FRYL: variants seen among roughly 807,000 people sequenced by gnomAD.
FRYL encodes protein furry homolog-like.
Under a neutral mutation model 351.2 loss-of-function variants are expected in FRYL, and 150 were observed. The observed-to-expected ratio is 0.43, with a 90% CI of 0.37 to 0.49. The LOEUF is 0.49. Among genes scored for constraint, FRYL ranks in the 20% least tolerant of loss-of-function variants. FRYL has a pLI of 0.00. For synonymous variants in FRYL, 1,153 were observed against 1,257.1 expected (o/e 0.92, Z 1.75); for missense variants, 3,036 against 3,619.3 (o/e 0.84, Z 4.13).
chr4:48,746,088 A>C (rs1450438491), intron 1 of FRYL, among the ~76,000 whole-genome samples: 3 of 152,228 alleles, frequency 2.0e-5, no homozygotes, highest in African/African-American at 7.2e-5. Context: ...AAAATCACTG[A>C]GGAATGTTTC....
At chr4:48,721,790 G>C (rs763024836) in intron 1 of FRYL, among the ~76,000 whole-genome samples, 1 of 152,010 alleles carries the variant, frequency 6.6e-6, no homozygotes, top group Non-Finnish European at 1.5e-5. Context: ...ACAGGCACCC[G>C]CCACCACACC....
Position 48,576,165 on chromosome 4 carries a change from G to T in FRYL, c.2586C>A (p.Gly862=). ...AAAGGATCAGATAGTTTCTCCACAGGCCAATGTATGAGTCACTGCTTGTGG... is the reference window on the plus strand; with the variant it reads ...AAAGGATCAGATAGTTTCTCCACAGTCCAATGTATGAGTCACTGCTTGTGG... ...NTTTSSDSYI[G]LWRNYLILCC... The change falls in exon 24 of 64, where the codon GGC becomes GGA. Residue 862 remains glycine, a synonymous_variant. Coordinates refer to ENST00000358350, the MANE Select transcript of FRYL (RefSeq NM_015030.2). 1.2e-6 allele frequency: 2 copies of T among 1,613,634 alleles called. No individual in the cohort carries two copies. Among genetic ancestry groups the T allele is most frequent in the East Asian group, 2.2e-5 (1 of 44,820 alleles).
intron 22 of FRYL, 22 bp from the exon 23 acceptor site, chr4:48,579,263 G>T (rs1740333127): frequency 1.9e-6 from 3 of 1,555,868 alleles, no homozygotes; most frequent in African/African-American, 2.8e-5. Context: ...GGAAAAAATT[G>T]ATTATTACAC....
chr4:48,623,297 T>G, intron 4 of FRYL, 118 bp from the exon 5 acceptor site: 1 of 592,944 alleles, frequency 1.7e-6, no homozygotes, highest in South Asian at 2.6e-5. Context: ...CGTTTTCACT[T>G]GTTACTAGAT....
intron 21 of FRYL, among the ~76,000 whole-genome samples, chr4:48,581,183 G>A (rs1740814300): frequency 6.6e-6 from 1 of 151,876 alleles, no homozygotes; most frequent in Non-Finnish European, 1.5e-5. Context: ...CTGGACTACA[G>A]GCGCCCGCCA....
chr4:48,523,951 T>C (rs539944527), intron 53 of FRYL, among the ~76,000 whole-genome samples: 73 of 152,290 alleles, frequency 4.8e-4, no homozygotes, highest in African/African-American at 1.7e-3. Flanking sequence ...CTGTTGCCAA[T>C]TTTAAAAGGT....
chr4:48,558,020 A>ATG (rs1734518935), intron 33 of FRYL, among the ~76,000 whole-genome samples: 3 of 152,244 alleles, frequency 2.0e-5, no homozygotes, highest in Non-Finnish European at 4.4e-5. Flanking sequence ...TCAAAAAAAT[A>ATG]AAAATAGAAC....
intron 3 of FRYL, among the ~76,000 whole-genome samples, chr4:48,647,743 G>A (rs1231007091): frequency 6.6e-6 from 1 of 152,030 alleles, no homozygotes; most frequent in Non-Finnish European, 1.5e-5. Context: ...CACTTTTCAG[G>A]GACCATCATG....
At chr4:48,763,457 G>T (rs1379190286) in intron 1 of FRYL, among the ~76,000 whole-genome samples, 1 of 151,802 alleles carries the variant, frequency 6.6e-6, no homozygotes, top group Non-Finnish European at 1.5e-5. Flanking sequence ...GTGTGACCTT[G>T]TCTCTTAAAA....
intron 3 of FRYL, among the ~76,000 whole-genome samples, chr4:48,676,885 T>G (rs1478384594): frequency 1.3e-5 from 2 of 152,274 alleles, no homozygotes; most frequent in African/African-American, 4.8e-5. Context: ...TCGCACTTTA[T>G]TGAATTATGT....
At chr4:48,605,874 G>A (rs760584893) in intron 10 of FRYL, 41 bp from the exon 11 acceptor site, 11 of 1,206,298 alleles carry the variant, frequency 9.1e-6, no homozygotes, top group Middle Eastern at 2.0e-4. Flanking sequence ...AACAAAAGAG[G>A]AAAGGTTAAA....
At chr4:48,647,871 G>T (rs1177793912) in intron 3 of FRYL, among the ~76,000 whole-genome samples, 1 of 152,134 alleles carries the variant, frequency 6.6e-6, no homozygotes. Flanking sequence ...AGCAATAGGT[G>T]ATTCTTTTCC....
chr4:48,523,004 C>T lies in FRYL; in HGVS notation c.7418G>A (p.Ser2473Asn). 1.2e-6 allele frequency: 2 copies of T among 1,613,836 alleles called. No individual in the cohort carries two copies. The highest frequency in any genetic ancestry group is 1.7e-6 in the Non-Finnish European group (2 of 1,179,772). ...TPSLQEYQCS[S>N]STPSLNLTNQ... Reference sequence around the variant, plus strand: ...GGTGAGGTTCAGGCTGGGGGTGCTACTAGAGCACTGGTACTCCTGGAGGGA... The same window carrying T: ...GGTGAGGTTCAGGCTGGGGGTGCTATTAGAGCACTGGTACTCCTGGAGGGA... Residue 2473 changes from serine to asparagine, a missense_variant, in exon 54 of 64, where the codon AGT becomes AAT. Around this residue, in one of 7 missense-constraint regions of FRYL, gnomAD observed 1,987 missense variants for 2,311.7 expected, o/e 0.86. Coordinates refer to ENST00000358350, the MANE Select transcript of FRYL (RefSeq NM_015030.2).
chr4:48,688,787 C>T (rs1219534472), intron 2 of FRYL, among the ~76,000 whole-genome samples: 7 of 150,944 alleles, frequency 4.6e-5, no homozygotes, highest in African/African-American at 1.7e-4. Flanking sequence ...CTCAGCTTCC[C>T]AAGTAGTTAG....
Position 48,531,146 on chromosome 4 carries a change from A to G in FRYL, c.6903+10T>C, listed in dbSNP as rs746656997. The G allele has an allele frequency of 7.9e-6, 12 of 1,510,366 alleles. No individual in the cohort carries two copies. The highest frequency in any genetic ancestry group is 1.1e-5 in the Non-Finnish European group (12 of 1,095,200). The allele number at this position is 1,510,366 out of a possible 1,614,324, so 93.6% of individuals were successfully genotyped here. ...AGTAGAGTAACTTCATCAATTTCTGAGCATCTTACCTCAGATATATCAAAA... is the reference window on the plus strand; with the variant it reads ...AGTAGAGTAACTTCATCAATTTCTGGGCATCTTACCTCAGATATATCAAAA... On this transcript the variant is annotated intron_variant, in intron 50 of 63. Transcript: ENST00000358350.
intron 13 of FRYL, among the ~76,000 whole-genome samples, chr4:48,600,611 A>G (rs778333946): frequency 2.0e-5 from 3 of 152,218 alleles, no homozygotes; most frequent in Non-Finnish European, 4.4e-5. Flanking sequence ...AAACGTATAT[A>G]TATAAAAATT....
At chr4:48,660,228 T>C (rs1347265727) in intron 3 of FRYL, among the ~76,000 whole-genome samples, 1 of 152,114 alleles carries the variant, frequency 6.6e-6, no homozygotes, top group African/African-American at 2.4e-5. Flanking sequence ...AGGTTCATAT[T>C]GATATAAATG....
At chr4:48,504,992 C>T (rs1290916903) in intron 60 of FRYL, among the ~76,000 whole-genome samples, 3 of 152,136 alleles carry the variant, frequency 2.0e-5, no homozygotes, top group Non-Finnish European at 2.9e-5. Flanking sequence ...TGAAGCTACA[C>T]TTCCATTGGA....
At chr4:48,594,187 T>C (rs2149221152) in intron 15 of FRYL, among the ~76,000 whole-genome samples, 171 bp from the exon 16 acceptor site, 1 of 152,246 alleles carries the variant, frequency 6.6e-6, no homozygotes, top group South Asian at 2.1e-4. Flanking sequence ...ATTATAAGTA[T>C]ATTATTTAAT....
Sources: allele counts gnomAD v4.1 joint callset (sites outside exome capture counted in the v4.1 genomes callset), GRCh38; gene constraint gnomAD v4.1.1; regional missense constraint gnomAD v4.1.1; transcripts MANE v1.5; gene names NCBI Gene and HGNC (gene_info 2026-07-23, HGNC 2026-07-21).